GLRB: variants seen among roughly 807,000 people sequenced by gnomAD.
GLRB encodes glycine receptor beta.
A neutral mutation model predicts 54.2 loss-of-function variants in GLRB; 33 were observed. The observed-to-expected ratio is 0.61, with a 90% CI of 0.46 to 0.81. The LOEUF (loss-of-function observed/expected upper bound fraction) is 0.81. Ranked by LOEUF, GLRB falls within the 40% of genes least tolerant of loss-of-function variation. The probability of loss-of-function intolerance (pLI) is 0.00; values close to 1 mark genes in which losing one functional copy is unlikely to be tolerated. For synonymous variants in GLRB, 209 were observed against 208.2 expected (o/e 1.00, Z -0.03); for missense variants, 572 against 584.6 (o/e 0.98, Z 0.22).
intron 2 of GLRB, among the ~76,000 whole-genome samples, chr4:157,079,804 A>T (rs1734161701): frequency 6.6e-6 from 1 of 152,166 alleles, no homozygotes; most frequent in African/African-American, 2.4e-5. Flanking sequence ...GCGAAAGGAC[A>T]CTTCTTTGTG....
intron 7 of GLRB, among the ~76,000 whole-genome samples, 192 bp downstream of exon 7, chr4:157,139,141 T>C (rs957647561): frequency 3.9e-5 from 6 of 152,176 alleles, no homozygotes; most frequent in Non-Finnish European, 8.8e-5. Flanking sequence ...CTTTTAATTA[T>C]TAGATAGACA....
At chr4:157,145,696 T>C (rs892963507) in intron 8 of GLRB, among the ~76,000 whole-genome samples, 1 of 152,182 alleles carries the variant, frequency 6.6e-6, no homozygotes, top group Non-Finnish European at 1.5e-5. Flanking sequence ...ATAAATATAA[T>C]ATATCATATG....
At position 157,082,074 on chromosome 4, in the gene GLRB, A is replaced by G. The variant is rs183765303; in HGVS notation, c.122+3928A>G. On this transcript the variant is annotated intron_variant, in intron 2 of 9. Coordinates refer to ENST00000264428, the MANE Select transcript of GLRB (RefSeq NM_000824.5). ...TCTTCTTTTTAGTTAGCCTGTGTCCATGGGTCTCATCCAAATTCATGGCTG... is the reference window on the plus strand; with the variant it reads ...TCTTCTTTTTAGTTAGCCTGTGTCCGTGGGTCTCATCCAAATTCATGGCTG... Among the ~76,000 whole-genome samples the G allele has an allele frequency of 1.5e-3, 236 of 152,258 alleles. 1 individual carries two copies. Among genetic ancestry groups the G allele is most frequent in the African/African-American group, 5.3e-3 (220 of 41,554 alleles).
chr4:157,085,974 GTA>G (rs1305103036), intron 2 of GLRB, among the ~76,000 whole-genome samples: 1 of 151,880 alleles, frequency 6.6e-6, no homozygotes, highest in Non-Finnish European at 1.5e-5. Flanking sequence ...ATATATGAAT[GTA>G]TGTTTTTAGA....
chr4:157,165,530 G>T (rs1473102367), intron 9 of GLRB, among the ~76,000 whole-genome samples: 1 of 151,938 alleles, frequency 6.6e-6, no homozygotes, highest in East Asian at 1.9e-4. Context: ...TTAAAAAGTA[G>T]AAAAAAATTA....
chr4:157,088,617 C>T lies in GLRB; in HGVS notation c.122+10471C>T, dbSNP rs565189476. Among the ~76,000 whole-genome samples, 18 of 152,120 alleles carry T rather than the reference C, an allele frequency of 1.2e-4. No homozygotes were observed. In the East Asian group the frequency reaches 2.3e-3, roughly 20 times the overall value. ...AATACAAGTCCTTGGATGGGAATCC[C>T]CTCGGTCTTTCTTGATTTTCATTCT... is the stretch of plus-strand genomic sequence containing the variant. On this transcript the variant is annotated intron_variant, in intron 2 of 9. Coordinates refer to ENST00000264428, the MANE Select transcript of GLRB (RefSeq NM_000824.5).
At chr4:157,138,234 G>T (rs950765867) in intron 6 of GLRB, among the ~76,000 whole-genome samples, 1 of 152,046 alleles carries the variant, frequency 6.6e-6, no homozygotes, top group Non-Finnish European at 1.5e-5. Context: ...ACCGTGCCTG[G>T]CTAATTTATG....
chr4:157,100,240 C>A (rs1014382439), intron 2 of GLRB, among the ~76,000 whole-genome samples: 3 of 152,060 alleles, frequency 2.0e-5, no homozygotes, highest in African/African-American at 7.2e-5. Flanking sequence ...TGCTTTATTA[C>A]TTTATATTTC....
intron 2 of GLRB, among the ~76,000 whole-genome samples, chr4:157,087,129 A>G (rs1734439996): frequency 6.6e-6 from 1 of 152,192 alleles, no homozygotes; most frequent in Non-Finnish European, 1.5e-5. Context: ...AGTTCAAAGA[A>G]AATTAAATGG....
At chr4:157,169,793 G>A (rs1737849286) in intron 9 of GLRB, among the ~76,000 whole-genome samples, 1 of 152,036 alleles carries the variant, frequency 6.6e-6, no homozygotes, top group Admixed American at 6.6e-5. Flanking sequence ...GTAGCATATG[G>A]TCTATCTGAA....
chr4:157,144,651 AT>A (rs1736742454), intron 8 of GLRB, among the ~76,000 whole-genome samples: 1 of 152,150 alleles, frequency 6.6e-6, no homozygotes, highest in Non-Finnish European at 1.5e-5. Context: ...GTGTTTCAAA[AT>A]TTTTTATTAC....
intron 9 of GLRB, among the ~76,000 whole-genome samples, chr4:157,157,558 T>C (rs1177997760): frequency 6.6e-6 from 1 of 152,136 alleles, no homozygotes; most frequent in Non-Finnish European, 1.5e-5. Flanking sequence ...ATCTCATTGT[T>C]CAATTCCCAC....
chr4:157,162,633 G>A (rs764500102), intron 9 of GLRB, among the ~76,000 whole-genome samples: 7 of 152,146 alleles, frequency 4.6e-5, no homozygotes, highest in Non-Finnish European at 1.0e-4. Flanking sequence ...TATCACCAGC[G>A]GAGGCTGCAG....
intron 2 of GLRB, among the ~76,000 whole-genome samples, chr4:157,088,965 C>G (rs557580039): frequency 6.6e-6 from 1 of 152,262 alleles, no homozygotes; most frequent in African/African-American, 2.4e-5. Context: ...CTCTAATTCA[C>G]TAGTTCTTTT....
At chr4:157,090,041 C>A (rs144926036) in intron 2 of GLRB, among the ~76,000 whole-genome samples, 6 of 152,274 alleles carry the variant, frequency 3.9e-5, no homozygotes, top group African/African-American at 1.2e-4. Flanking sequence ...ATAGTCATGT[C>A]ACCTTGAATC....
At chr4:157,114,663 C>T (rs191242761) in intron 2 of GLRB, among the ~76,000 whole-genome samples, 1 of 151,840 alleles carries the variant, frequency 6.6e-6, no homozygotes, top group East Asian at 2.0e-4. Flanking sequence ...CAGTCACTCA[C>T]ACATTACTTA....
intron 9 of GLRB, among the ~76,000 whole-genome samples, chr4:157,162,682 A>T (rs2126624908): frequency 6.6e-6 from 1 of 152,086 alleles, no homozygotes; most frequent in Admixed American, 6.5e-5. Flanking sequence ...TTGCTGCCTG[A>T]TCCTTCCTCT....
At chr4:157,133,974 G>A (rs1444761483) in intron 4 of GLRB, among the ~76,000 whole-genome samples, 2 of 151,932 alleles carry the variant, frequency 1.3e-5, no homozygotes, top group African/African-American at 2.4e-5. Flanking sequence ...TTTGAAAATA[G>A]GTAGAACATG....
intron 1 of GLRB, among the ~76,000 whole-genome samples, chr4:157,076,728 C>T (rs2343760): frequency 6.6e-6 from 1 of 151,636 alleles, no homozygotes; most frequent in African/African-American, 2.4e-5. Flanking sequence ...CTCCTTTTTG[C>T]GGGGGCAAGG....
Sources: gnomAD v4.1 joint callset for allele counts (sites outside exome capture counted in the v4.1 genomes callset) on GRCh38, gnomAD v4.1.1 for gene constraint, MANE v1.5 for transcripts, NCBI Gene and HGNC (gene_info 2026-07-23, HGNC 2026-07-21) for gene names.